The following WSCD2 variants were observed in gnomAD, a reference collection of about 807,000 sequenced individuals.
WSCD2 encodes the protein WSC domain sialate O sulfotransferase 2.
Under a neutral mutation model 55.7 loss-of-function variants are expected in WSCD2, and 28 were observed. That is an observed-to-expected ratio of 0.50 (90% CI 0.37 to 0.69). The LOEUF (loss-of-function observed/expected upper bound fraction) is 0.69, where lower values mean the gene tolerates loss of function less well. WSCD2 is among the 30% of genes least tolerant of loss of function. The pLI is 0.00. For synonymous variants in WSCD2, 301 were observed against 301.9 expected (o/e 1.00, Z 0.03); for missense variants, 616 against 762.1 (o/e 0.81, Z 2.26).
intron 1 of WSCD2, among the ~76,000 whole-genome samples, chr12:108,190,975 A>G (rs1490899108): frequency 6.6e-6 from 1 of 152,210 alleles, no homozygotes; most frequent in Non-Finnish European, 1.5e-5. Flanking sequence ...TATAGAGAGA[A>G]GATGGCAGCT....
At chr12:108,177,006 T>TAGC (rs1309349193) in intron 1 of WSCD2, among the ~76,000 whole-genome samples, 2 of 152,130 alleles carry the variant, frequency 1.3e-5, no homozygotes, top group African/African-American at 4.8e-5. Flanking sequence ...GTGCTGCTCT[T>TAGC]AGCAGCAGCT....
At chr12:108,133,019 G>A (rs566155943) in intron 1 of WSCD2, among the ~76,000 whole-genome samples, 4 of 152,302 alleles carry the variant, frequency 2.6e-5, no homozygotes, top group Admixed American at 6.5e-5. Flanking sequence ...GTGTGTATCC[G>A]TGAATGTTAG....
intron 2 of WSCD2, among the ~76,000 whole-genome samples, chr12:108,198,111 A>G (rs772841783): frequency 4.6e-4 from 70 of 151,362 alleles, no homozygotes; most frequent in Non-Finnish European, 9.6e-4. Flanking sequence ...ACTTATCACC[A>G]TCTGAAAGCA....
intron 8 of WSCD2, among the ~76,000 whole-genome samples, chr12:108,247,422 A>T (rs1890166695): frequency 6.6e-6 from 1 of 152,132 alleles, no homozygotes; most frequent in Admixed American, 6.5e-5. Flanking sequence ...GCATATAGTA[A>T]TCACCAAACA....
intron 4 of WSCD2, among the ~76,000 whole-genome samples, chr12:108,220,177 C>T (rs1887326246): frequency 6.6e-6 from 1 of 152,032 alleles, no homozygotes; most frequent in Non-Finnish European, 1.5e-5. Context: ...AGCTGTATGG[C>T]CTTGGGCAAG....
chr12:108,243,741 C>T (rs1428009914), intron 8 of WSCD2, among the ~76,000 whole-genome samples: 3 of 152,170 alleles, frequency 2.0e-5, no homozygotes, highest in Non-Finnish European at 4.4e-5. Flanking sequence ...TCCCCAGATA[C>T]TTCATGTGCA....
At position 108,167,598 on chromosome 12, in the gene WSCD2, G is replaced by T. The variant is rs41314105; in HGVS notation, c.-551-27684G>T. On this transcript the variant is annotated intron_variant, in intron 1 of 8. Coordinates refer to ENST00000547525, the MANE Select transcript of WSCD2 (RefSeq NM_014653.4). ...TTGCTTCAGGTATGGCTTGATCCAGGCTCAAACAAAGCTCATGAGATCTTA... is the reference window on the plus strand; with the variant it reads ...TTGCTTCAGGTATGGCTTGATCCAGTCTCAAACAAAGCTCATGAGATCTTA... 6.6e-5 allele frequency: 10 copies of T among 152,262 alleles called. No homozygotes were observed. In the East Asian group the frequency reaches 1.9e-3, roughly 29 times the overall value. 9.4% of individuals were successfully genotyped at this position (152,262 alleles called of 1,614,324 possible).
At chr12:108,173,989 T>C (rs1003119752) in intron 1 of WSCD2, among the ~76,000 whole-genome samples, 1 of 152,158 alleles carries the variant, frequency 6.6e-6, no homozygotes, top group Non-Finnish European at 1.5e-5. Flanking sequence ...TCCTTGAATG[T>C]GGGGTGTTTG....
intron 1 of WSCD2, among the ~76,000 whole-genome samples, chr12:108,160,517 G>A (rs148473865): frequency 2.0e-5 from 3 of 152,222 alleles, no homozygotes; most frequent in Non-Finnish European, 4.4e-5. Context: ...CAAAGCAGGA[G>A]AAAGAGAGGC....
At position 108,209,455 on chromosome 12, in the gene WSCD2, T is replaced by C. The variant is rs80092005; in HGVS notation, c.498-666T>C. Among the ~76,000 whole-genome samples, 852 of 152,016 alleles carry C rather than the reference T, an allele frequency of 5.6e-3. 5 individuals are homozygous for C. Among genetic ancestry groups the C allele is most frequent in the African/African-American group, 0.02 (817 of 41,438 alleles). On this transcript the variant is annotated intron_variant, in intron 3 of 8. Coordinates refer to ENST00000547525, the MANE Select transcript of WSCD2 (RefSeq NM_014653.4). ...GGGAAAAGCAAGAAAGAGAGTGGGG[T>C]AGGGGAGACCACAGGATCTGGGGTG...
intron 1 of WSCD2, among the ~76,000 whole-genome samples, chr12:108,154,603 A>G (rs543017586): frequency 7.9e-5 from 12 of 152,276 alleles, no homozygotes; most frequent in African/African-American, 2.9e-4. Context: ...GGACACGGAT[A>G]TCTTTGGGGT....
intron 8 of WSCD2, among the ~76,000 whole-genome samples, chr12:108,245,441 T>C (rs1890017563): frequency 6.6e-6 from 1 of 152,186 alleles, no homozygotes; most frequent in African/African-American, 2.4e-5. Context: ...CACAGAAGTT[T>C]GCAGTCAACA....
At chr12:108,141,393 C>T (rs2136881155) in intron 1 of WSCD2, among the ~76,000 whole-genome samples, 1 of 152,272 alleles carries the variant, frequency 6.6e-6, no homozygotes, top group East Asian at 1.9e-4. Flanking sequence ...CCACCACCAT[C>T]CCCGGTTCTA....
chr12:108,208,007 T>C (rs1457853216), intron 3 of WSCD2, among the ~76,000 whole-genome samples: 1 of 152,152 alleles, frequency 6.6e-6, no homozygotes, highest in Non-Finnish European at 1.5e-5. Context: ...AGGTCTAAGC[T>C]GCCTGGGGTG....
chr12:108,171,359 A>G (rs1410890327), intron 1 of WSCD2, among the ~76,000 whole-genome samples: 2 of 152,192 alleles, frequency 1.3e-5, no homozygotes, highest in Non-Finnish European at 2.9e-5. Flanking sequence ...AGACACCCAT[A>G]TTGCTACAAT....
chr12:108,213,196 C>T (rs1484333370), intron 4 of WSCD2, among the ~76,000 whole-genome samples: 1 of 152,130 alleles, frequency 6.6e-6, no homozygotes, highest in African/African-American at 2.4e-5. Flanking sequence ...TCTCATGGGG[C>T]AACAGACCTG....
intron 1 of WSCD2, among the ~76,000 whole-genome samples, chr12:108,150,296 G>C (rs1169554690): frequency 6.6e-6 from 1 of 152,140 alleles, no homozygotes; most frequent in African/African-American, 2.4e-5. Flanking sequence ...GGCAGAGAAT[G>C]GAGTATAGAA....
intron 1 of WSCD2, among the ~76,000 whole-genome samples, chr12:108,172,715 C>A (rs756660839): frequency 2.6e-5 from 4 of 152,322 alleles, no homozygotes; most frequent in African/African-American, 7.2e-5. Context: ...TCCTCAGAGC[C>A]TTCCCAGAGG....
In WSCD2 at chr12:108,248,578, T is replaced by C; in HGVS notation, c.*235T>C. On this transcript the variant is annotated 3_prime_UTR_variant, in exon 9 of 9. Transcript: ENST00000547525. The surrounding 1 kb of genome is among the most constrained non-coding windows in gnomAD (Gnocchi z 4.3). ...CCCCTTGGCAATGTGGGGCATCTTG[T>C]TTAGGGGGTTCTAGTTACATGGACT... 4 of 1,335,138 alleles carry C rather than the reference T, an allele frequency of 3.0e-6. No homozygotes were observed. Among genetic ancestry groups the C allele is most frequent in the Non-Finnish European group, 3.8e-6 (4 of 1,041,084 alleles). The allele number at this position is 1,335,138 out of a possible 1,614,324, so 82.7% of individuals were successfully genotyped here. A position where few individuals can be genotyped will look rare whatever the true frequency, so the allele number is the denominator to read the frequency against.
Sources: allele counts gnomAD v4.1 joint callset (sites outside exome capture counted in the v4.1 genomes callset), GRCh38; gene constraint gnomAD v4.1.1; non-coding constraint Gnocchi (gnomAD v3.1); transcripts MANE v1.5; gene names NCBI Gene and HGNC (gene_info 2026-07-23, HGNC 2026-07-21).